ME1: variants seen among roughly 807,000 people sequenced by gnomAD.
ME1 encodes the protein malic enzyme 1.
In ME1, 74 loss-of-function variants were observed where a neutral mutation model predicts 66.4. That is an observed-to-expected ratio of 1.11 (90% CI 0.92 to 1.35). The LOEUF is 1.35. ME1 is among the 40% of genes most tolerant of loss of function. The pLI is 0.00. For synonymous variants in ME1, 251 were observed against 235.6 expected, an observed-to-expected ratio of 1.07 and a Z score of -0.60; for missense variants, 750 against 694.1, an observed-to-expected ratio of 1.08 and a Z score of -0.90.
In ME1 at chr6:83,430,908, T is replaced by A; in HGVS notation, c.47A>T (p.Tyr16Phe). Residue 16 changes from tyrosine (Y) to phenylalanine (F), a missense_variant, in exon 1 of 14, where the codon TAC becomes TTC. Physicochemically the swap from Tyr to Phe is conservative, Grantham distance 22. Transcript: ENST00000369705. ...PRRRHTHQRG[Y>F]LLTRNPHLNK... ...GAGGTGAGGGTTCCGTGTCAGCAGG[T>A]AGCCGCGCTGATGGGTGTGGCGGCG... 6.2e-7 allele frequency: 1 copy of A among 1,603,030 alleles called. No individual in the cohort carries two copies. Among genetic ancestry groups the A allele is most frequent in the Non-Finnish European group, 8.5e-7 (1 of 1,175,202 alleles).
chr6:83,341,257 C>T (rs1431320257), intron 5 of ME1, among the ~76,000 whole-genome samples: 2 of 152,188 alleles, frequency 1.3e-5, no homozygotes, highest in South Asian at 2.1e-4. Context: ...GGAAAATGGA[C>T]ACTTCACATT....
At chr6:83,340,366 T>G (rs931141181) in intron 5 of ME1, among the ~76,000 whole-genome samples, 6 of 152,200 alleles carry the variant, frequency 3.9e-5, no homozygotes, top group African/African-American at 1.4e-4. Flanking sequence ...TATATCACCA[T>G]TAATTATGAT....
At chr6:83,244,925 C>T (rs1337020567) in intron 7 of ME1, among the ~76,000 whole-genome samples, 3 of 152,002 alleles carry the variant, frequency 2.0e-5, no homozygotes, top group Non-Finnish European at 2.9e-5. Context: ...TGACAAAGAA[C>T]AAAGGTCAAT....
intron 3 of ME1, among the ~76,000 whole-genome samples, chr6:83,376,804 CA>C (rs70987750): frequency 0.024 from 2,113 of 87,038 alleles, 57 homozygotes; most frequent in Non-Finnish European, 0.032. Flanking sequence ...CCCTGTCTCA[CA>C]AAAAAAAAAA....
In ME1 at chr6:83,279,142, T is replaced by A. The variant is rs1145917; in HGVS notation, c.705-25404A>T. On this transcript the variant is annotated intron_variant, in intron 6 of 13. Transcript: ENST00000369705. ...AGAGGTTAGACAAAAACAATGACAC[T>A]GAAGAACTTTTAGCCTCTAATACTA... 2.6e-5 allele frequency among the ~76,000 whole-genome samples: 4 copies of A among 152,158 alleles called. No homozygotes were observed. The South Asian group carries it at 6.2e-4, about 24-fold the overall frequency.
intron 6 of ME1, among the ~76,000 whole-genome samples, chr6:83,275,464 CTTTTTT>C (rs767009219): frequency 2.5e-5 from 3 of 119,724 alleles, no homozygotes; most frequent in African/African-American, 3.5e-5. Flanking sequence ...TAGTTTTGAT[CTTTTTT>C]TTTTTTTTTT....
intron 5 of ME1, among the ~76,000 whole-genome samples, chr6:83,324,250 T>C (rs1768238406): frequency 6.6e-6 from 1 of 151,352 alleles, no homozygotes; most frequent in Non-Finnish European, 1.5e-5. Context: ...GATCTAAAAT[T>C]GACACCCTAA....
At chr6:83,354,702 C>A (rs750236072) in intron 3 of ME1, among the ~76,000 whole-genome samples, 1 of 152,134 alleles carries the variant, frequency 6.6e-6, no homozygotes, top group Non-Finnish European at 1.5e-5. Context: ...CTGTCTGTGT[C>A]TTCCCTGGCA....
chr6:83,355,076 C>G (rs559002330), intron 3 of ME1, among the ~76,000 whole-genome samples: 133 of 152,216 alleles, frequency 8.7e-4, no homozygotes, highest in African/African-American at 3.1e-3. Flanking sequence ...TTTTGTTTCT[C>G]AAAATTGATT....
At chr6:83,296,970 C>A (rs556007712) in intron 6 of ME1, among the ~76,000 whole-genome samples, 1 of 152,118 alleles carries the variant, frequency 6.6e-6, no homozygotes, top group Admixed American at 6.5e-5. Context: ...TTCAGTGATA[C>A]CTGTGATCAT....
chr6:83,296,607 C>A (rs912953678), intron 6 of ME1, among the ~76,000 whole-genome samples: 3 of 152,180 alleles, frequency 2.0e-5, no homozygotes, highest in African/African-American at 2.4e-5. Context: ...AAAACTGGCA[C>A]AAGACAAGGA....
At chr6:83,302,813 G>A (rs561250608) in intron 6 of ME1, among the ~76,000 whole-genome samples, 3 of 152,242 alleles carry the variant, frequency 2.0e-5, no homozygotes, top group African/African-American at 4.8e-5. Flanking sequence ...AAGGATACAC[G>A]GAGGGGTGGA....
intron 4 of ME1, among the ~76,000 whole-genome samples, chr6:83,348,446 A>C (rs958714492): frequency 2.0e-5 from 3 of 152,150 alleles, no homozygotes; most frequent in Non-Finnish European, 4.4e-5. Context: ...AAATATTTTT[A>C]ATGATATGTT....
At chr6:83,381,063 T>C (rs1459275283) in intron 3 of ME1, among the ~76,000 whole-genome samples, 1 of 152,080 alleles carries the variant, frequency 6.6e-6, no homozygotes, top group Non-Finnish European at 1.5e-5. Flanking sequence ...GCAGAGTGTT[T>C]ACATTCTTGT....
intron 11 of ME1, 48 bp downstream of exon 11, chr6:83,227,287 A>C (rs879235925): frequency 1.5e-6 from 2 of 1,353,656 alleles, no homozygotes; most frequent in Admixed American, 5.0e-5. Context: ...CCTCCCTATA[A>C]TGAATAAAAA....
intron 7 of ME1, 70 bp from the exon 8 acceptor site, chr6:83,239,706 C>A: frequency 1.9e-6 from 2 of 1,077,700 alleles, no homozygotes; most frequent in African/African-American, 1.6e-5. Flanking sequence ...CTTTTATTCA[C>A]AACTTGAAAT....
At chr6:83,416,927 T>C (rs936005052) in intron 1 of ME1, among the ~76,000 whole-genome samples, 3 of 152,026 alleles carry the variant, frequency 2.0e-5, no homozygotes, top group African/African-American at 7.3e-5. Flanking sequence ...TTCTGTGTCT[T>C]TGTCATAATA....
intron 7 of ME1, among the ~76,000 whole-genome samples, chr6:83,251,447 T>C (rs1237191058): frequency 6.6e-6 from 1 of 151,818 alleles, no homozygotes; most frequent in East Asian, 1.9e-4. Flanking sequence ...TGAGCCAAGA[T>C]TGCACCACTG....
intron 1 of ME1, 30 bp from the exon 2 acceptor site, chr6:83,407,931 A>ACACAC (rs771140544): frequency 6.5e-7 from 1 of 1,543,910 alleles, no homozygotes; most frequent in Non-Finnish European, 8.7e-7. Flanking sequence ...ACACACACAC[A>ACACAC]ACAGTATTTG....
Sources: gnomAD v4.1 joint callset for allele counts (sites outside exome capture counted in the v4.1 genomes callset) on GRCh38, gnomAD v4.1.1 for gene constraint, MANE v1.5 for transcripts, NCBI Gene and HGNC (gene_info 2026-07-23, HGNC 2026-07-21) for gene names.